TBC1D28: variants seen among roughly 807,000 people sequenced by gnomAD.
The protein encoded by TBC1D28 is TBC1 domain family member 28.
TBC1D28 carries 20 observed loss-of-function variants against 29.2 expected under a neutral mutation model. The observed-to-expected ratio is 0.68, with a 90% CI of 0.48 to 0.99. The LOEUF is 0.99. Among genes scored for constraint, TBC1D28 ranks in the 50% least tolerant of loss-of-function variants. The probability of loss-of-function intolerance (pLI) is 0.00; values close to 1 mark genes in which losing one functional copy is unlikely to be tolerated. For missense variants in TBC1D28, 205 were observed against 243.7 expected (o/e 0.84, Z 1.06); for synonymous variants, 65 against 90.9 (o/e 0.71, Z 1.62).
chr17:18,640,196 G>A (rs2031698671), intron 4 of TBC1D28, among the ~76,000 whole-genome samples: 1 of 152,026 alleles, frequency 6.6e-6, no homozygotes, highest in South Asian at 2.1e-4. Context: ...GCCATGCAGA[G>A]CCTTGGGGAC....
intron 7 of TBC1D28, 82 bp from the exon 9 acceptor site, chr17:18,638,055 C>A: frequency 1.9e-6 from 3 of 1,543,202 alleles, no homozygotes; most frequent in South Asian, 2.3e-5. Context: ...ATCCCACAGT[C>A]AGCACTTCTG....
At chr17:18,642,902 C>G (rs2031833453), upstream of TBC1D28, 4 of 152,270 alleles carry the variant, frequency 2.6e-5, no homozygotes, top group African/African-American at 9.6e-5. Flanking sequence ...GGTCATGGCA[C>G]CCATCATAAT....
intron 8 of TBC1D28, among the ~76,000 whole-genome samples, chr17:18,637,338 A>G (rs1011675490): frequency 1.0e-4 from 11 of 106,724 alleles, no homozygotes; most frequent in Non-Finnish European, 1.6e-4. Flanking sequence ...TCAGTTTTCA[A>G]ATCAGTGTGG....
exon 5 of TBC1D28, chr17:18,639,191 C>T (rs769073504): frequency 1.9e-6 from 3 of 1,612,404 alleles, no homozygotes; most frequent in South Asian, 1.1e-5. Context: ...CTCCAGGGCA[C>T]TGACGCGGGG....
At chr17:18,636,113 T>C in exon 9 of TBC1D28, 1 of 1,053,236 alleles carries the variant, frequency 9.5e-7, no homozygotes, top group Middle Eastern at 4.4e-4. Flanking sequence ...GTGACCCCCC[T>C]CCCTATCTGC....
exon 3 of TBC1D28, chr17:18,641,287 C>A (rs1212389326): frequency 6.2e-7 from 1 of 1,613,388 alleles, no homozygotes; most frequent in Admixed American, 1.7e-5. Context: ...CCTGCTCATA[C>A]TTAGTAATGA....
In TBC1D28 at chr17:18,636,676, C is replaced by T. The variant is rs1189578732; in HGVS notation, c.498-79G>A. 64 of 1,547,590 alleles carry T rather than the reference C, an allele frequency of 4.1e-5. No individual in the cohort carries two copies. The South Asian group carries it at 5.6e-4, about 13-fold the overall frequency. ...TCATTTTGTCTACAAACCCAAATAACGAACACAATTCTGGGTTCAGATGAT... is the reference window on the plus strand; with the variant it reads ...TCATTTTGTCTACAAACCCAAATAATGAACACAATTCTGGGTTCAGATGAT... On this transcript the variant is annotated intron_variant, in intron 8 of 8. Transcript: ENST00000345096.
exon 9 of TBC1D28, chr17:18,635,539 G>A: frequency 1.0e-6 from 1 of 988,188 alleles, no homozygotes; most frequent in Non-Finnish European, 1.2e-6. Flanking sequence ...GGAGTTTATG[G>A]AATTATTGAA....
At chr17:18,638,408 C>T (rs367792364) in exon 7 of TBC1D28, 2 of 1,614,216 alleles carry the variant, frequency 1.2e-6, no homozygotes, top group South Asian at 1.1e-5. Flanking sequence ...ACTTTGCATA[C>T]TCTTTGAGAC....
chr17:18,636,783 G>T (rs1177938986), intron 8 of TBC1D28, among the ~76,000 whole-genome samples, 186 bp from the exon 10 acceptor site: 1 of 145,942 alleles, frequency 6.9e-6, no homozygotes, highest in African/African-American at 2.6e-5. Flanking sequence ...TCCTTGCAAT[G>T]CAATGTCGTA....
chr17:18,637,903 A>C (rs1426342724), exon 8 of TBC1D28: 2 of 1,613,630 alleles, frequency 1.2e-6, no homozygotes, highest in Non-Finnish European at 1.7e-6. Flanking sequence ...GTGTTTCTGC[A>C]GGGTGTGGCT....
In TBC1D28 at chr17:18,638,084, A is replaced by G. The variant is rs2031586467; in HGVS notation, c.388-111T>C. On this transcript the variant is annotated intron_variant, in intron 7 of 8. Coordinates refer to ENST00000345096, the Ensembl canonical transcript of TBC1D28. ...ACTTCTGGAAGGAAGGAAGGAAGGA[A>G]GGTTTCCTTCTGCAGAAAGCTCCTT... The G allele has an allele frequency of 2.0e-5, 32 of 1,566,508 alleles. No homozygotes were observed. The South Asian group carries it at 3.6e-4, about 18-fold the overall frequency.
chr17:18,636,398 C>A (rs2031496178), exon 9 of TBC1D28: 6 of 1,589,904 alleles, frequency 3.8e-6, no homozygotes, highest in Non-Finnish European at 5.1e-6. Flanking sequence ...GGGCTTCAAC[C>A]CTTTTCTGCC....
chr17:18,635,344 C>T (rs2031443783), exon 9 of TBC1D28: 1 of 164,694 alleles, frequency 6.1e-6, no homozygotes, highest in East Asian at 1.9e-4. Flanking sequence ...TCCAGGTCCT[C>T]CTGCCAGGAG....
At chr17:18,641,452 G>A (rs1458507550) in intron 2 of TBC1D28, 99 bp from the exon 4 acceptor site, 70 of 1,047,096 alleles carry the variant, frequency 6.7e-5, no homozygotes, top group Middle Eastern at 2.1e-4. Flanking sequence ...CCAGTCTGGT[G>A]AGCCCCATTC....
At chr17:18,637,671 A>G (rs1167984812) in intron 8 of TBC1D28, among the ~76,000 whole-genome samples, 193 bp downstream of exon 9, 1 of 151,666 alleles carries the variant, frequency 6.6e-6, no homozygotes, top group Non-Finnish European at 1.5e-5. Flanking sequence ...CTGGCCCTAC[A>G]TGTCCCAGCC....
chr17:18,636,451 A>T (rs777055677), exon 9 of TBC1D28: 26 of 1,612,086 alleles, frequency 1.6e-5, no homozygotes, highest in Non-Finnish European at 2.1e-5. Flanking sequence ...TGGTGGACAA[A>T]CGCTGAATTT....
chr17:18,636,171 G>A (rs1269196811), exon 9 of TBC1D28: 1 of 1,201,606 alleles, frequency 8.3e-7, no homozygotes, highest in Admixed American at 4.0e-5. Context: ...TCCTTGCCAG[G>A]TTTCCAGTGA....
intron 5 of TBC1D28, chr17:18,638,904 C>A (rs2031638255): frequency 3.7e-6 from 3 of 800,376 alleles, no homozygotes; most frequent in Non-Finnish European, 3.9e-6. Flanking sequence ...ATCCTCAGGC[C>A]ATAGAGGCCC....
Sources: gnomAD v4.1 joint callset for allele counts (sites outside exome capture counted in the v4.1 genomes callset) on GRCh38, gnomAD v4.1.1 for gene constraint, MANE v1.5 for transcripts, NCBI Gene and HGNC (gene_info 2026-07-23, HGNC 2026-07-21) for gene names.